Variants in SCN1A observed in about 807,000 individuals in gnomAD.
SCN1A encodes the protein sodium voltage-gated channel alpha subunit 1, also known as sodium channel protein type 1 subunit alpha.
In SCN1A, 13 loss-of-function variants were observed where a neutral mutation model predicts 193.7. That is an observed-to-expected ratio of 0.07 (90% CI 0.04 to 0.11). SCN1A has a LOEUF of 0.11. SCN1A is among the 10% of genes least tolerant of loss of function. SCN1A has a pLI of 1.00. For synonymous variants in SCN1A, 781 were observed against 843.6 expected (o/e 0.93, Z 1.29); for missense variants, 1,432 against 2,451.1 (o/e 0.58, Z 8.78).
chr2:166,096,467 A>C (rs1402417330), intron 2 of SCN1A, among the ~76,000 whole-genome samples: 1 of 152,074 alleles, frequency 6.6e-6, no homozygotes, highest in African/African-American at 2.4e-5. Flanking sequence ...TTTTTAGTAG[A>C]GACAGGGTTT....
intron 22 of SCN1A, among the ~76,000 whole-genome samples, chr2:166,010,085 G>A (rs1310454199): frequency 1.3e-5 from 2 of 149,226 alleles, no homozygotes; most frequent in Admixed American, 1.3e-4. Flanking sequence ...TTTATCAACT[G>A]AATAAATAGA....
At chr2:166,086,646 T>A (rs1481533665) in intron 2 of SCN1A, among the ~76,000 whole-genome samples, 1 of 152,200 alleles carries the variant, frequency 6.6e-6, no homozygotes, top group South Asian at 2.1e-4. Context: ...AAGGTCACTC[T>A]GCAGGCTGCA....
At position 166,046,781 on chromosome 2, in the gene SCN1A, C is replaced by G. The variant is rs1375242070; in HGVS notation, c.1366G>C (p.Glu456Gln). ...CAGGGCAGCTTTACCTGAGCTGCCT[C>G]CTGTTGCTTTTTAAGCTGTTCAATC... ...QMIEQLKKQQ[E>Q]AAQQAATATA... The change falls in exon 12 of 29, where the codon GAG (glutamate) becomes CAG (glutamine). Residue 456 changes from glutamate to glutamine, a missense_variant. This residue lies in a region of SCN1A where 58 missense variants were observed against 103.4 expected (regional missense o/e 0.56). Transcript: ENST00000674923. The G allele has an allele frequency of 3.7e-6, 6 of 1,613,640 alleles. No homozygotes were observed. The highest frequency in any genetic ancestry group is 5.1e-6 in the Non-Finnish European group (6 of 1,179,652).
At chr2:166,101,303 G>A (rs934811453) in intron 2 of SCN1A, among the ~76,000 whole-genome samples, 1 of 140,898 alleles carries the variant, frequency 7.1e-6, no homozygotes, top group African/African-American at 2.7e-5. Context: ...GGTGGGAATT[G>A]AACAATGAGA....
intron 3 of SCN1A, 148 bp from the exon 4 acceptor site, chr2:166,073,818 C>A: frequency 1.6e-6 from 1 of 623,800 alleles, no homozygotes; most frequent in South Asian, 2.1e-5. Flanking sequence ...AATTTTAACA[C>A]AAATGGTTTC....
intron 2 of SCN1A, 104 bp from the exon 3 acceptor site, chr2:166,077,905 G>T (rs1261538247): frequency 6.6e-6 from 1 of 151,806 alleles, no homozygotes. Context: ...GAGCTATCAA[G>T]CCATGAAAAG....
intron 20 of SCN1A, among the ~76,000 whole-genome samples, chr2:166,015,079 G>A (rs1464640359): frequency 6.6e-6 from 1 of 151,794 alleles, no homozygotes; most frequent in Non-Finnish European, 1.5e-5. Context: ...GGAAATATTA[G>A]TTGTAGGAAA....
At chr2:166,092,492 A>G (rs529311829) in intron 2 of SCN1A, 2 of 152,334 alleles carry the variant, frequency 1.3e-5, no homozygotes, top group East Asian at 1.9e-4. Context: ...CCATAATTCA[A>G]TTAATTTAAA....
downstream of SCN1A, chr2:165,985,394 A>C (rs1688550706): frequency 6.7e-6 from 1 of 148,912 alleles, no homozygotes; most frequent in Non-Finnish European, 1.5e-5. Context: ...AGGAAAGAAA[A>C]AGGAAGGAAA....
At position 165,990,999 on chromosome 2, in the gene SCN1A, C is replaced by A; in HGVS notation, c.*246G>T. 2.0e-6 allele frequency: 1 copy of A among 492,218 alleles called. No individual in the cohort carries two copies. Among genetic ancestry groups the A allele is most frequent in the Non-Finnish European group, 3.6e-6 (1 of 275,710 alleles). 30.5% of individuals were successfully genotyped at this position (492,218 alleles called of 1,614,324 possible). A position where few individuals can be genotyped will look rare whatever the true frequency, so the allele number is the denominator to read the frequency against. ...TACAGTCTGACTAGCCATTGTGCAT[C>A]TTATCTTCAGCAGTGTCAGCTGGTA... On this transcript the variant is annotated 3_prime_UTR_variant, in exon 29 of 29. Coordinates refer to ENST00000674923, the MANE Select transcript of SCN1A (RefSeq NM_001165963.4).
intron 2 of SCN1A, among the ~76,000 whole-genome samples, chr2:166,082,954 G>A (rs1210542716): frequency 1.3e-5 from 2 of 151,978 alleles, no homozygotes; most frequent in Admixed American, 1.3e-4. Context: ...TAAACCATCT[G>A]GGCACGACAA....
intron 4 of SCN1A, among the ~76,000 whole-genome samples, chr2:166,062,318 T>A (rs1028628626): frequency 1.8e-4 from 28 of 152,174 alleles, no homozygotes; most frequent in Non-Finnish European, 2.6e-4. Context: ...ATTTTAAATA[T>A]GATAGCACTT....
Position 166,103,159 on chromosome 2 carries a change from T to C in SCN1A, c.-142+23765A>G, listed in dbSNP as rs148432285. On this transcript the variant is annotated intron_variant, in intron 2 of 28. Transcript: ENST00000674923. Reference sequence around the variant, plus strand: ...GTTGAATAGCAATATATTATAATATTGAGGAAGTAGGCTGGGCGCGGTGGC... The same window carrying C: ...GTTGAATAGCAATATATTATAATATCGAGGAAGTAGGCTGGGCGCGGTGGC... Among the ~76,000 whole-genome samples, 1,040 of 152,016 alleles carry C rather than the reference T, an allele frequency of 6.8e-3. 9 individuals are homozygous for C. The highest frequency in any genetic ancestry group is 0.024 in the African/African-American group (988 of 41,450).
chr2:166,075,119 GATAACAA>G lies in SCN1A; in HGVS notation c.-49-1456_-49-1450del, dbSNP rs1249603282. Among the ~76,000 whole-genome samples the G allele has an allele frequency of 2.6e-5, 4 of 152,136 alleles. No individual in the cohort carries two copies. In the East Asian group the frequency reaches 7.7e-4, roughly 29 times the overall value. On this transcript the variant is annotated intron_variant, in intron 3 of 28. Coordinates refer to ENST00000674923, the MANE Select transcript of SCN1A (RefSeq NM_001165963.4). ...TATTTTTTGCAAATAAAAGTTTAGGGATAACAAATATAGTAACTTTTCTCAAAAGGGA... is the reference window on the plus strand; with the variant it reads ...TATTTTTTGCAAATAAAAGTTTAGGGATATAGTAACTTTTCTCAAAAGGGA...
chr2:166,055,065 G>T (rs992924408), intron 6 of SCN1A, among the ~76,000 whole-genome samples: 1 of 151,842 alleles, frequency 6.6e-6, no homozygotes, highest in Non-Finnish European at 1.5e-5. Flanking sequence ...GAAATATTTA[G>T]TATGTTTACA....
In SCN1A at chr2:166,046,992, T is replaced by A; in HGVS notation, c.1171-16A>T. The A allele has an allele frequency of 6.2e-7, 1 of 1,609,108 alleles. No individual in the cohort carries two copies. The highest frequency in any genetic ancestry group is 8.5e-7 in the Non-Finnish European group (1 of 1,175,436). On this transcript the variant is annotated splice_polypyrimidine_tract_variant and intron_variant, in intron 11 of 28. Transcript: ENST00000674923. Reference sequence around the variant, plus strand: ...CACGTAATGTCTGCAAACAAAAATATCAGAATTATTTCTCAATATTATTTC... The same window carrying A: ...CACGTAATGTCTGCAAACAAAAATAACAGAATTATTTCTCAATATTATTTC...
chr2:166,121,328 C>CT (rs376671333), intron 2 of SCN1A, among the ~76,000 whole-genome samples: 337 of 152,210 alleles, frequency 2.2e-3, no homozygotes, highest in African/African-American at 7.8e-3. Flanking sequence ...GAAGACATTG[C>CT]TTTTATACTT....
rs1211366967 is a variant in SCN1A, at chr2:166,139,829, A to ACAACACAT, written c.-50+9210_-50+9217dup. Among the ~76,000 whole-genome samples, 8 of 152,178 alleles carry ACAACACAT rather than the reference A, an allele frequency of 5.3e-5. No individual in the cohort carries two copies. In the South Asian group the frequency reaches 1.4e-3, roughly 28 times the overall value. On this transcript the variant is annotated intron_variant, in intron 1 of 26. Transcript: ENST00000635750. ...AGTTATCTCTCACCAGGTCCCTCCC[A>ACAACACAT]CAACACATGGGAATTATGGGAGCTA...
At chr2:166,058,736 A>G in intron 4 of SCN1A, 48 bp from the exon 5 acceptor site, 1 of 997,156 alleles carries the variant, frequency 1.0e-6, no homozygotes, top group Non-Finnish European at 1.6e-6. Context: ...TAAACCACTT[A>G]AACTCTGTTA....
Sources: gnomAD v4.1 joint callset for allele counts (sites outside exome capture counted in the v4.1 genomes callset) on GRCh38, gnomAD v4.1.1 for gene constraint, gnomAD v4.1.1 regional missense constraint, MANE v1.5 for transcripts, NCBI Gene and HGNC (gene_info 2026-07-23, HGNC 2026-07-21) for gene names.